Variants in FLI1 observed in about 807,000 individuals in gnomAD.
FLI1 encodes the protein Fli-1 proto-oncogene, ETS transcription factor.
FLI1 carries 13 observed loss-of-function variants against 53.1 expected under a neutral mutation model. The observed-to-expected ratio is 0.24, with a 90% CI of 0.16 to 0.39. The LOEUF is 0.39. FLI1 is among the 10% of genes least tolerant of loss of function. The pLI is 1.00. For missense variants in FLI1, 424 were observed against 600.5 expected (o/e 0.71, Z 3.07); for synonymous variants, 244 against 236.7 (o/e 1.03, Z -0.28).
intron 5 of FLI1, among the ~76,000 whole-genome samples, chr11:128,803,114 T>A (rs929967351): frequency 2.9e-5 from 4 of 137,866 alleles, no homozygotes; most frequent in African/African-American, 1.1e-4. Context: ...GAAGTTCAGA[T>A]GACATGTACG....
At chr11:128,690,439 G>A (rs1364728290), upstream of FLI1, among the ~76,000 whole-genome samples, 1 of 152,182 alleles carries the variant, frequency 6.6e-6, no homozygotes, top group Non-Finnish European at 1.5e-5. Flanking sequence ...AGATCGTCAG[G>A]TCCGCCCACC....
intron 1 of FLI1, among the ~76,000 whole-genome samples, chr11:128,695,241 C>G (rs989198808): frequency 6.6e-6 from 1 of 152,254 alleles, no homozygotes; most frequent in Admixed American, 6.5e-5. Context: ...CGTCTCACTT[C>G]AGAAAAGTTG....
At chr11:128,743,405 TAAAA>T (rs373125181) in intron 1 of FLI1, among the ~76,000 whole-genome samples, 11 of 91,570 alleles carry the variant, frequency 1.2e-4, no homozygotes, top group Non-Finnish European at 2.3e-4. Flanking sequence ...ACCATGTCTC[TAAAA>T]AAAAAAAAAA....
chr11:128,771,541 A>G (rs184353735), intron 3 of FLI1, among the ~76,000 whole-genome samples: 2 of 152,220 alleles, frequency 1.3e-5, no homozygotes, highest in African/African-American at 4.8e-5. Flanking sequence ...TAGTCATTCA[A>G]TCCTGGTTCC....
intron 4 of FLI1, among the ~76,000 whole-genome samples, chr11:128,774,792 T>C (rs1941682835): frequency 6.6e-6 from 1 of 152,150 alleles, no homozygotes; most frequent in African/African-American, 2.4e-5. Flanking sequence ...AACCAGTCCA[T>C]AAACAGCCCA....
intron 1 of FLI1, among the ~76,000 whole-genome samples, chr11:128,717,064 G>A (rs1387721960): frequency 6.6e-6 from 1 of 152,110 alleles, no homozygotes; most frequent in Non-Finnish European, 1.5e-5. Flanking sequence ...GGAAGCAGTG[G>A]CGGCTTCTGC....
At chr11:128,774,846 T>A (rs601627) in intron 4 of FLI1, among the ~76,000 whole-genome samples, 47,331 of 151,952 alleles carry the variant, frequency 0.31, 7,498 homozygotes, top group South Asian at 0.39. Context: ...GGAACACAGA[T>A]GCTGAAGTGA....
At chr11:128,766,915 C>T (rs1255078457) in intron 2 of FLI1, among the ~76,000 whole-genome samples, 2 of 148,508 alleles carry the variant, frequency 1.3e-5, no homozygotes, top group Non-Finnish European at 3.0e-5. Context: ...CTGCCAGAAC[C>T]GATGCTTCCT....
intron 1 of FLI1, among the ~76,000 whole-genome samples, chr11:128,706,607 A>G (rs1456548268): frequency 1.3e-5 from 2 of 152,208 alleles, no homozygotes; most frequent in African/African-American, 4.8e-5. Context: ...AGCAGAACTC[A>G]AGTATTCATG....
intron 1 of FLI1, among the ~76,000 whole-genome samples, chr11:128,750,306 C>A (rs536189449): frequency 1.3e-5 from 2 of 152,218 alleles, no homozygotes; most frequent in South Asian, 4.1e-4. Flanking sequence ...AGATTCAGGG[C>A]AGAACAGAGG....
rs1366916382 is a variant in FLI1, at chr11:128,792,776, G to A, written c.655+10753G>A. On this transcript the variant is annotated intron_variant, in intron 5 of 8. Transcript: ENST00000527786. ...GAAAACAAGAGATTTAGAAAACAAA[G>A]TATTATATTGAGTAACACTCTATTG... Among the ~76,000 whole-genome samples the A allele has an allele frequency of 2.0e-5, 3 of 152,248 alleles. No individual in the cohort carries two copies. The East Asian group carries it at 5.8e-4, about 29-fold the overall frequency.
At chr11:128,786,768 A>T (rs1362842399) in intron 5 of FLI1, among the ~76,000 whole-genome samples, 13 of 152,222 alleles carry the variant, frequency 8.5e-5, no homozygotes, top group Non-Finnish European at 1.9e-4. Flanking sequence ...GCTTCTTTGC[A>T]TGCCTAAGCC....
At chr11:128,766,261 C>T (rs1941335952) in intron 2 of FLI1, among the ~76,000 whole-genome samples, 1 of 152,164 alleles carries the variant, frequency 6.6e-6, no homozygotes, top group African/African-American at 2.4e-5. Context: ...GGGCCAAACG[C>T]TGGTGAAAAG....
intron 1 of FLI1, among the ~76,000 whole-genome samples, chr11:128,704,169 G>C (rs1306009377): frequency 6.6e-6 from 1 of 152,132 alleles, no homozygotes; most frequent in East Asian, 1.9e-4. Context: ...TCTGATCCTA[G>C]ACAGGCTTTA....
At chr11:128,780,374 C>T (rs1050468989) in intron 4 of FLI1, among the ~76,000 whole-genome samples, 4 of 152,164 alleles carry the variant, frequency 2.6e-5, no homozygotes, top group African/African-American at 9.7e-5. Context: ...CTTTGGGAGG[C>T]CGAGGCAGGC....
chr11:128,809,632 C>G (rs900147949), intron 8 of FLI1, among the ~76,000 whole-genome samples: 1 of 152,166 alleles, frequency 6.6e-6, no homozygotes, highest in Non-Finnish European at 1.5e-5. Flanking sequence ...GTTATCTGGC[C>G]TTATAAAAGA....
chr11:128,753,240 G>A (rs1940723786), intron 1 of FLI1, among the ~76,000 whole-genome samples: 1 of 152,194 alleles, frequency 6.6e-6, no homozygotes, highest in East Asian at 1.9e-4. Context: ...AGAGACAATT[G>A]TTGGGTCAAG....
rs529350826 is a variant in FLI1, at chr11:128,694,349, G to A, written c.18+73G>A. 12 of 1,177,486 alleles carry A rather than the reference G, an allele frequency of 1.0e-5. No individual in the cohort carries two copies. The East Asian group carries it at 2.5e-4, about 25-fold the overall frequency. The allele number at this position is 1,177,486 out of a possible 1,614,324, so 72.9% of individuals were successfully genotyped here. Reference sequence around the variant, plus strand: ...GCGAAGCGGCGGGCGGGTAGGTGCGGGGCCCGCGTCCCGGAAGACGTGGCC... The same window carrying A: ...GCGAAGCGGCGGGCGGGTAGGTGCGAGGCCCGCGTCCCGGAAGACGTGGCC... On this transcript the variant is annotated intron_variant, in intron 1 of 8. Transcript: ENST00000527786.
Position 128,810,962 on chromosome 11 carries a change from C to T in FLI1, c.1333C>T (p.Pro445Ser), listed in dbSNP as rs745912015. The T allele has an allele frequency of 1.2e-6, 2 of 1,614,030 alleles. No individual in the cohort carries two copies. The highest frequency in any genetic ancestry group is 8.5e-7 in the Non-Finnish European group (1 of 1,179,890). Reference sequence around the variant, plus strand: ...CCCCCGCCATCCTAACACCCACGTGCCTTCACACTTAGGCAGCTACTACTA... The same window carrying T: ...CCCCCGCCATCCTAACACCCACGTGTCTTCACACTTAGGCAGCTACTACTA... Reference protein sequence around the residue: ...NVPRHPNTHVPSHLGSYY With the variant: ...NVPRHPNTHVSSHLGSYY The change falls in exon 9 of 9, where the codon CCT becomes TCT. Residue 445 changes from proline to serine, a missense_variant. Physicochemically the swap from Pro to Ser is moderately conservative, Grantham distance 74 (BLOSUM62 -1). This residue lies in a region of FLI1 where 87 missense variants were observed against 100.0 expected (regional missense o/e 0.87). Coordinates refer to ENST00000527786, the MANE Select transcript of FLI1 (RefSeq NM_002017.5). This position sits in a 1 kb window ranked among gnomAD's most constrained non-coding sequence, Gnocchi z 6.6.
Sources: gnomAD v4.1 joint callset for allele counts (sites outside exome capture counted in the v4.1 genomes callset) on GRCh38, gnomAD v4.1.1 for gene constraint, gnomAD v4.1.1 regional missense constraint, Gnocchi (gnomAD v3.1) non-coding constraint, MANE v1.5 for transcripts, NCBI Gene and HGNC (gene_info 2026-07-23, HGNC 2026-07-21) for gene names.